The following MPV17L variants were observed in gnomAD, a reference collection of about 807,000 sequenced individuals.
The protein encoded by MPV17L is mpv17-like protein.
A neutral mutation model predicts 25.8 loss-of-function variants in MPV17L; 24 were observed. The observed-to-expected ratio is 0.93, with a 90% CI of 0.67 to 1.31. The LOEUF (loss-of-function observed/expected upper bound fraction) is 1.31, where lower values mean the gene tolerates loss of function less well. Among genes scored for constraint, MPV17L ranks in the 50% most tolerant of loss-of-function variants. The probability of loss-of-function intolerance (pLI) is 0.00; values close to 1 mark genes in which losing one functional copy is unlikely to be tolerated. For synonymous variants in MPV17L, 102 were observed against 115.3 expected (o/e 0.88, Z 0.74); for missense variants, 250 against 265.6 (o/e 0.94, Z 0.41).
chr16:15,396,500 A>G (rs1393085721), intron 1 of MPV17L, among the ~76,000 whole-genome samples: 1 of 151,984 alleles, frequency 6.6e-6, no homozygotes, highest in African/African-American at 2.4e-5. Flanking sequence ...CGGGGCTCAG[A>G]CTCTGGGGTT....
chr16:15,405,620 T>G (rs2050674052), intron 2 of MPV17L, among the ~76,000 whole-genome samples: 1 of 151,734 alleles, frequency 6.6e-6, no homozygotes, highest in South Asian at 2.1e-4. Context: ...TGCTAATTTT[T>G]ATTTTTAGTA....
At chr16:15,401,622 C>T (rs1203152223) in intron 2 of MPV17L, among the ~76,000 whole-genome samples, 1 of 152,020 alleles carries the variant, frequency 6.6e-6, no homozygotes, top group African/African-American at 2.4e-5. Flanking sequence ...GAGTTTGAAA[C>T]CAGCCTGGCC....
Position 15,407,844 on chromosome 16 carries a change from C to CT in MPV17L, c.405dup (p.Val136CysfsTer37). Reference sequence around the variant, plus strand: ...TCCAGAGTGGACTGATGTACTGGCCCTTTGTACAGGTAAGTTCCACCTACT... The same window carrying CT: ...TCCAGAGTGGACTGATGTACTGGCCCTTTTGTACAGGTAAGTTCCACCTACT... On this transcript the variant is annotated frameshift_variant, in exon 3 of 4. Coordinates refer to ENST00000396385, the MANE Select transcript of MPV17L (RefSeq NM_001128423.2). LOFTEE classifies it high-confidence loss of function. 6.2e-7 allele frequency: 1 copy of CT among 1,613,406 alleles called. No homozygotes were observed. Among genetic ancestry groups the CT allele is most frequent in the Non-Finnish European group, 8.5e-7 (1 of 1,179,850 alleles).
intron 2 of MPV17L, among the ~76,000 whole-genome samples, chr16:15,407,561 G>A (rs1156600551): frequency 6.6e-6 from 1 of 152,018 alleles, no homozygotes; most frequent in Non-Finnish European, 1.5e-5. Context: ...GGCCAACATG[G>A]TGAAAACCCG....
Position 15,408,292 on chromosome 16 carries a change from C to G in MPV17L, c.*180C>G. ...TTTGAATTGTATTCAGACTTTTTTC[C>G]TGTTCTAGTCTGAAATATTACTTCT... On this transcript the variant is annotated 3_prime_UTR_variant, in exon 4 of 4. Coordinates refer to ENST00000396385, the MANE Select transcript of MPV17L (RefSeq NM_001128423.2). 2 of 519,546 alleles carry G rather than the reference C, an allele frequency of 3.8e-6. No homozygotes were observed. The highest frequency in any genetic ancestry group is 6.8e-6 in the Non-Finnish European group (2 of 294,352). 32.2% of individuals were successfully genotyped at this position (519,546 alleles called of 1,614,324 possible).
At chr16:15,402,117 G>C (rs2050644108) in intron 2 of MPV17L, among the ~76,000 whole-genome samples, 1 of 152,200 alleles carries the variant, frequency 6.6e-6, no homozygotes, top group African/African-American at 2.4e-5. Context: ...TATTGATAGA[G>C]AAGGAGAAGG....
chr16:15,404,970 C>T lies in MPV17L; in HGVS notation c.382-2854C>T, dbSNP rs544580358. On this transcript the variant is annotated intron_variant, in intron 2 of 3. Transcript: ENST00000396385. Reference sequence around the variant, plus strand: ...TTAATTATTTTTAGCGCTCACATGTCCCAGATTCGGCCAGTGGGAGTTCCC... The same window carrying T: ...TTAATTATTTTTAGCGCTCACATGTTCCAGATTCGGCCAGTGGGAGTTCCC... Among the ~76,000 whole-genome samples the T allele has an allele frequency of 2.6e-5, 4 of 152,222 alleles. No individual in the cohort carries two copies. In the East Asian group the frequency reaches 7.7e-4, roughly 29 times the overall value.
At chr16:15,399,559 C>G (rs914068775) in intron 1 of MPV17L, 9 of 325,384 alleles carry the variant, frequency 2.8e-5, no homozygotes, top group Non-Finnish European at 5.4e-5. Flanking sequence ...GCACGCACCC[C>G]TATACCTGGC....
chr16:15,410,718 T>A lies in MPV17L; in HGVS notation c.*2606T>A, dbSNP rs1415939503. 2 of 152,230 alleles carry A rather than the reference T, an allele frequency of 1.3e-5. No homozygotes were observed. The highest frequency in any genetic ancestry group is 2.9e-5 in the Non-Finnish European group (2 of 68,042). The allele number at this position is 152,230 out of a possible 1,614,324, so 9.4% of individuals were successfully genotyped here. A position where few individuals can be genotyped will look rare whatever the true frequency, so the allele number is the denominator to read the frequency against. On this transcript the variant is annotated 3_prime_UTR_variant, in exon 4 of 4. Transcript: ENST00000396385. The stretch of plus-strand genomic sequence containing the variant: ...ACTATATACCTAAAAATTGAGCATA[T>A]AATTTGTATAATTTGTTTATGTAAG...
At chr16:15,405,755 C>T (rs1204039149) in intron 2 of MPV17L, among the ~76,000 whole-genome samples, 3 of 150,966 alleles carry the variant, frequency 2.0e-5, no homozygotes, top group African/African-American at 7.3e-5. Context: ...GCATATTTAA[C>T]AATTAAGGGC....
At chr16:15,400,183 A>G (rs1436109282) in intron 1 of MPV17L, among the ~76,000 whole-genome samples, 1 of 152,208 alleles carries the variant, frequency 6.6e-6, no homozygotes, top group African/African-American at 2.4e-5. Flanking sequence ...TGGAAGGTAG[A>G]GAAAGTAACC....
Position 15,395,892 on chromosome 16 carries a change from G to C in MPV17L, c.-6G>C. ...GCTCCTGATCGCGGGCGCCCACAGC[G>C]CGGACATGGCGGGCTGGTGGCCGGC... On this transcript the variant is annotated 5_prime_UTR_variant, in exon 1 of 4. Coordinates refer to ENST00000396385, the MANE Select transcript of MPV17L (RefSeq NM_001128423.2). The C allele has an allele frequency of 1.4e-6, 2 of 1,395,002 alleles. No homozygotes were observed. Among genetic ancestry groups the C allele is most frequent in the East Asian group, 3.0e-5 (1 of 33,250 alleles). 86.4% of individuals were successfully genotyped at this position (1,395,002 alleles called of 1,614,324 possible). A position where few individuals can be genotyped will look rare whatever the true frequency, so the allele number is the denominator to read the frequency against.
rs1325328805 is a variant in MPV17L at position 15,409,478 on chromosome 16, C to T, written c.*1366C>T. The T allele has an allele frequency of 1.3e-5, 2 of 152,100 alleles. No individual in the cohort carries two copies. Among genetic ancestry groups the T allele is most frequent in the African/African-American group, 2.4e-5 (1 of 41,412 alleles). 9.4% of individuals were successfully genotyped at this position (152,100 alleles called of 1,614,324 possible). On this transcript the variant is annotated 3_prime_UTR_variant, in exon 4 of 4. Coordinates refer to ENST00000396385, the MANE Select transcript of MPV17L (RefSeq NM_001128423.2). ...ACTGATCAATGTACTTTGTAATCCT[C>T]CCACCCTTAAGAAGGTTCTTTTTAA...
At chr16:15,406,836 G>C (rs571520046) in intron 2 of MPV17L, among the ~76,000 whole-genome samples, 68 of 152,262 alleles carry the variant, frequency 4.5e-4, no homozygotes, top group Middle Eastern at 3.4e-3. Context: ...TGAGGCAGGA[G>C]AACTGCTTGA....
At chr16:15,405,612 C>T (rs556608670) in intron 2 of MPV17L, among the ~76,000 whole-genome samples, 22 of 151,770 alleles carry the variant, frequency 1.4e-4, no homozygotes, top group African/African-American at 4.1e-4. Context: ...TCACGTCCTG[C>T]TAATTTTTAT....
intron 1 of MPV17L, among the ~76,000 whole-genome samples, chr16:15,399,025 G>A (rs2050611513): frequency 6.6e-6 from 1 of 151,902 alleles, no homozygotes; most frequent in Admixed American, 6.6e-5. Flanking sequence ...TTTGTGCTGG[G>A]GCTACCTTGG....
At chr16:15,404,075 A>T (rs2050661412) in intron 2 of MPV17L, among the ~76,000 whole-genome samples, 1 of 152,230 alleles carries the variant, frequency 6.6e-6, no homozygotes. Flanking sequence ...ACTGCACTCC[A>T]GCCTGGGTAA....
rs1408159029 is a variant in MPV17L, at chr16:15,409,482, C to T, written c.*1370C>T. ...ATCAATGTACTTTGTAATCCTCCCA[C>T]CCTTAAGAAGGTTCTTTTTAATTCT... On this transcript the variant is annotated 3_prime_UTR_variant, in exon 4 of 4. Transcript: ENST00000396385. 2.0e-5 allele frequency: 3 copies of T among 152,148 alleles called. No individual in the cohort carries two copies. The highest frequency in any genetic ancestry group is 7.2e-5 in the African/African-American group (3 of 41,438). 9.4% of individuals were successfully genotyped at this position (152,148 alleles called of 1,614,324 possible).
Position 15,396,228 on chromosome 16 carries a change from C to G in MPV17L, c.310+21C>G, listed in dbSNP as rs530955103. ...TGTCGGTGAGGGGCCGGGAGGGGAC[C>G]TGGGGGGTGGGACCCAGTATTGGGG... On this transcript the variant is annotated intron_variant, in intron 1 of 3. Transcript: ENST00000396385. 1.7e-5 allele frequency: 27 copies of G among 1,544,758 alleles called. No homozygotes were observed. In the South Asian group the frequency reaches 1.8e-4, roughly 10 times the overall value.
Sources: allele counts gnomAD v4.1 joint callset (sites outside exome capture counted in the v4.1 genomes callset), GRCh38; gene constraint gnomAD v4.1.1; transcripts MANE v1.5; gene names NCBI Gene and HGNC (gene_info 2026-07-23, HGNC 2026-07-21).